Variants in NUP37 observed in about 807,000 individuals in gnomAD.
The protein encoded by NUP37 is nucleoporin Nup37.
In NUP37, 33 loss-of-function variants were observed where a neutral mutation model predicts 45.4. The ratio of observed to expected loss-of-function variants is 0.73; its 90% CI spans 0.55 to 0.97. NUP37 has a LOEUF of 0.97. NUP37 is among the 50% of genes least tolerant of loss of function. NUP37 has a pLI of 0.00. For synonymous variants in NUP37, 127 were observed against 130.7 expected, an observed-to-expected ratio of 0.97 and a Z score of 0.19; for missense variants, 365 against 389.7, an observed-to-expected ratio of 0.94 and a Z score of 0.53.
In NUP37 at chr12:102,077,306, CAT is replaced by C. The variant is rs769016172; in HGVS notation, c.722+14_722+15del. The C allele has an allele frequency of 2.5e-6, 4 of 1,613,454 alleles. No individual in the cohort carries two copies. The highest frequency in any genetic ancestry group is 3.3e-5 in the Admixed American group (2 of 60,034). ...CTTTTTTTGGTGTGTAATAGACAAACATATCAAGAAAGTACCTGGACCGAGTA... is the reference window on the plus strand; with the variant it reads ...CTTTTTTTGGTGTGTAATAGACAAACATCAAGAAAGTACCTGGACCGAGTA... On this transcript the variant is annotated intron_variant, in intron 7 of 9. Coordinates refer to ENST00000552283, the MANE Select transcript of NUP37 (RefSeq NM_024057.4).
chr12:102,107,353 G>C (rs1880183650), intron 3 of NUP37, among the ~76,000 whole-genome samples: 1 of 152,070 alleles, frequency 6.6e-6, no homozygotes, highest in African/African-American at 2.4e-5. Flanking sequence ...CCCCTGTCTA[G>C]GCTAGTCAGC....
intron 3 of NUP37, among the ~76,000 whole-genome samples, chr12:102,110,394 G>C (rs551744287): frequency 6.6e-6 from 1 of 151,908 alleles, no homozygotes; most frequent in Admixed American, 6.6e-5. Context: ...CCAGCTACTT[G>C]GGAGGCGGAG....
At chr12:102,114,577 G>A (rs1325947280) in intron 2 of NUP37, among the ~76,000 whole-genome samples, 2 of 152,176 alleles carry the variant, frequency 1.3e-5, no homozygotes, top group Non-Finnish European at 2.9e-5. Context: ...CAAGGTTTCG[G>A]CATATTTGAG....
At chr12:102,077,041 T>C (rs1358268375) in intron 7 of NUP37, 194 bp from the exon 8 acceptor site, 2 of 608,916 alleles carry the variant, frequency 3.3e-6, no homozygotes, top group Non-Finnish European at 5.8e-6. Context: ...CAGGGAACCA[T>C]CATGCAACAG....
chr12:102,099,146 C>T lies in NUP37; in HGVS notation c.409G>A (p.Gly137Ser). Reference protein sequence around the residue: ...INGLVFDPKEGQEIASVSDDH... With the variant: ...INGLVFDPKESQEIASVSDDH... The stretch of plus-strand genomic sequence containing the variant: ...TCACTCACACTTGCAATTTCTTGGC[C>T]TTCTTTGGGATCAAACACCAAACCA... The change falls in exon 5 of 10, where the codon GGC becomes AGC. Residue 137 changes from glycine to serine, a missense_variant. Coordinates refer to ENST00000552283, the MANE Select transcript of NUP37 (RefSeq NM_024057.4). 1 of 1,613,898 alleles carries T rather than the reference C, an allele frequency of 6.2e-7. No individual in the cohort carries two copies. The highest frequency in any genetic ancestry group is 8.5e-7 in the Non-Finnish European group (1 of 1,179,870).
chr12:102,078,166 A>G (rs1879231064), intron 6 of NUP37, among the ~76,000 whole-genome samples: 1 of 133,528 alleles, frequency 7.5e-6, no homozygotes, highest in South Asian at 2.2e-4. Flanking sequence ...CGTCTCTACT[A>G]AAAAAAAAAA....
chr12:102,110,600 T>TA (rs1428444076), intron 3 of NUP37, among the ~76,000 whole-genome samples: 1 of 151,992 alleles, frequency 6.6e-6, no homozygotes, highest in East Asian at 1.9e-4. Context: ...CCCAGCACTT[T>TA]GGGAGGCCAA....
At chr12:102,108,125 G>T (rs960989456) in intron 3 of NUP37, among the ~76,000 whole-genome samples, 6 of 152,126 alleles carry the variant, frequency 3.9e-5, no homozygotes, top group Non-Finnish European at 8.8e-5. Context: ...GGTGTATCTG[G>T]GTGTCAAGAG....
intron 6 of NUP37, among the ~76,000 whole-genome samples, chr12:102,083,002 G>C (rs1879370342): frequency 6.6e-6 from 1 of 152,168 alleles, no homozygotes. Context: ...CAAACATTCT[G>C]AAGTCATGGA....
chr12:102,099,048 A>C (rs1231216395), intron 5 of NUP37, 58 bp downstream of exon 5: 4 of 1,130,492 alleles, frequency 3.5e-6, no homozygotes, highest in Non-Finnish European at 5.3e-6. Context: ...TCATTTTAAA[A>C]ATGTAATTCT....
At chr12:102,087,403 GT>G (rs1879502643) in intron 5 of NUP37, among the ~76,000 whole-genome samples, 2 of 152,270 alleles carry the variant, frequency 1.3e-5, no homozygotes, top group East Asian at 3.9e-4. Flanking sequence ...GAACACAGAT[GT>G]TTTTCAAAAT....
intron 2 of NUP37, among the ~76,000 whole-genome samples, chr12:102,117,613 C>T (rs1880501860): frequency 6.6e-6 from 1 of 152,154 alleles, no homozygotes; most frequent in Admixed American, 6.5e-5. Context: ...GTGATTAAAC[C>T]TGAGAGTGTT....
rs376932820 is a variant in NUP37 at position 102,073,957 on chromosome 12, T to C, written c.*397A>G. ...GTGTTGGGATTACAAGTGTGAGCCA[T>C]TGTACCTGGCCTTTTTTTCTCTTTT... is the stretch of plus-strand genomic sequence containing the variant. On this transcript the variant is annotated 3_prime_UTR_variant, in exon 10 of 10. Transcript: ENST00000552283. 1.0e-4 allele frequency: 16 copies of C among 153,418 alleles called. No homozygotes were observed. Among genetic ancestry groups the C allele is most frequent in the Non-Finnish European group, 2.2e-4 (15 of 69,050 alleles). The allele number at this position is 153,418 out of a possible 1,614,324, so 9.5% of individuals were successfully genotyped here.
At position 102,099,334 on chromosome 12, in the gene NUP37, C is replaced by T. The variant is rs188492744; in HGVS notation, c.355-134G>A. 334 of 659,158 alleles carry T rather than the reference C, an allele frequency of 5.1e-4. 2 individuals carry two copies. Among genetic ancestry groups the T allele is most frequent in the African/African-American group, 4.9e-3 (268 of 54,586 alleles). 40.8% of individuals were successfully genotyped at this position (659,158 alleles called of 1,614,324 possible). A position where few individuals can be genotyped will look rare whatever the true frequency, so the allele number is the denominator to read the frequency against. ...TTCTATAAATATTTCTTAAGCAATC[C>T]GCTATTTTTAAAGCACGATTTATAC... is the stretch of plus-strand genomic sequence containing the variant. On this transcript the variant is annotated intron_variant, in intron 4 of 9. Transcript: ENST00000552283.
At chr12:102,108,252 T>TG (rs1262565969) in intron 3 of NUP37, among the ~76,000 whole-genome samples, 2 of 151,964 alleles carry the variant, frequency 1.3e-5, no homozygotes, top group African/African-American at 2.4e-5. Flanking sequence ...AACAGACAGA[T>TG]GGAGGTGGAA....
At chr12:102,084,567 C>T (rs1007348468) in intron 6 of NUP37, among the ~76,000 whole-genome samples, 1 of 151,900 alleles carries the variant, frequency 6.6e-6, no homozygotes, top group African/African-American at 2.4e-5. Flanking sequence ...TCACCTGAGC[C>T]CGGCATACGA....
At chr12:102,085,575 T>C (rs1321621858) in intron 6 of NUP37, among the ~76,000 whole-genome samples, 191 bp downstream of exon 6, 1 of 152,164 alleles carries the variant, frequency 6.6e-6, no homozygotes, top group African/African-American at 2.4e-5. Context: ...ATGATGGCTG[T>C]CAAATAAAAA....
chr12:102,111,227 A>G (rs1425424954), intron 3 of NUP37, among the ~76,000 whole-genome samples: 2 of 152,212 alleles, frequency 1.3e-5, no homozygotes, highest in African/African-American at 4.8e-5. Context: ...GTTCTAGAAT[A>G]GGCAAAACTG....
At position 102,077,380 on chromosome 12, in the gene NUP37, A is replaced by C. The variant is rs1363515327; in HGVS notation, c.664T>G (p.Phe222Val). 6.2e-7 allele frequency: 1 copy of C among 1,614,122 alleles called. No homozygotes were observed. The highest frequency in any genetic ancestry group is 8.5e-7 in the Non-Finnish European group (1 of 1,180,002). Residue 222 changes from phenylalanine to valine, a missense_variant, in exon 7 of 10, where the codon TTC becomes GTC. Transcript: ENST00000552283. Reference protein sequence around the residue: ...MSAHWCLKNTFKVGAVAGNDW... With the variant: ...MSAHWCLKNTVKVGAVAGNDW... ...TTTCCTGCAACGGCTCCAACTTTGA[A>C]GGTGTTTTTTAAGCACCAGTGTGCT...
Sources: gnomAD v4.1 joint callset for allele counts (sites outside exome capture counted in the v4.1 genomes callset) on GRCh38, gnomAD v4.1.1 for gene constraint, MANE v1.5 for transcripts, NCBI Gene and HGNC (gene_info 2026-07-23, HGNC 2026-07-21) for gene names.